FBXL7: variants seen among roughly 807,000 people sequenced by gnomAD.
FBXL7 encodes the protein F-box/LRR-repeat protein 7.
A neutral mutation model predicts 38.3 loss-of-function variants in FBXL7; 12 were observed. The ratio of observed to expected loss-of-function variants is 0.31; its 90% CI spans 0.20 to 0.51. The LOEUF is 0.51. FBXL7 is among the 20% of genes least tolerant of loss of function. FBXL7 has a pLI of 0.98. For synonymous variants in FBXL7, 297 were observed against 300.9 expected (o/e 0.99, Z 0.13); for missense variants, 567 against 676.4 (o/e 0.84, Z 1.79).
At chr5:15,589,617 A>C (rs993441088) in intron 1 of FBXL7, among the ~76,000 whole-genome samples, 11 of 152,230 alleles carry the variant, frequency 7.2e-5, no homozygotes, top group Non-Finnish European at 1.0e-4. Flanking sequence ...GTATTTGTGC[A>C]TAAAAAGTCT....
intron 2 of FBXL7, among the ~76,000 whole-genome samples, chr5:15,634,313 C>CTTTTTTTTTT (rs57823645): frequency 1.6e-4 from 18 of 112,242 alleles, no homozygotes; most frequent in Non-Finnish European, 2.3e-4. Context: ...ATGTTCGTTT[C>CTTTTTTTTTT]TTTTTTTTTT....
intron 2 of FBXL7, among the ~76,000 whole-genome samples, chr5:15,675,184 G>A (rs1314690158): frequency 5.3e-5 from 8 of 152,166 alleles, no homozygotes; most frequent in Admixed American, 5.2e-4. Flanking sequence ...AAAATGTTAT[G>A]TTTTATCGTA....
chr5:15,532,845 A>G (rs891257686), intron 1 of FBXL7, among the ~76,000 whole-genome samples: 3 of 152,262 alleles, frequency 2.0e-5, no homozygotes, highest in African/African-American at 7.2e-5. Flanking sequence ...GATGTATTCA[A>G]GAACCACTGG....
intron 2 of FBXL7, among the ~76,000 whole-genome samples, chr5:15,864,925 A>T (rs182451738): frequency 6.6e-6 from 1 of 152,194 alleles, no homozygotes; most frequent in Non-Finnish European, 1.5e-5. Flanking sequence ...GCTGCAGATA[A>T]AAAGGTCTGG....
intron 2 of FBXL7, among the ~76,000 whole-genome samples, chr5:15,673,092 A>G (rs35429266): frequency 0.46 from 70,449 of 151,768 alleles, 16,864 homozygotes; most frequent in East Asian, 0.59. Context: ...GAGGAAGGCT[A>G]ATCACCTGAG....
intron 2 of FBXL7, among the ~76,000 whole-genome samples, chr5:15,912,872 A>G (rs1366184368): frequency 6.6e-6 from 1 of 152,106 alleles, no homozygotes; most frequent in Non-Finnish European, 1.5e-5. Context: ...ATGAACTTAG[A>G]CTGTAGTAGG....
intron 2 of FBXL7, among the ~76,000 whole-genome samples, chr5:15,890,826 A>C (rs1740871526): frequency 6.6e-6 from 1 of 152,188 alleles, no homozygotes; most frequent in South Asian, 2.1e-4. Flanking sequence ...ATGTAAACTC[A>C]AAACGCCATA....
chr5:15,663,919 T>C (rs1411678599), intron 2 of FBXL7, among the ~76,000 whole-genome samples: 1 of 152,224 alleles, frequency 6.6e-6, no homozygotes, highest in Non-Finnish European at 1.5e-5. Context: ...ATGTCTTTTT[T>C]TTCTAATTGG....
chr5:15,825,158 C>T (rs905836217), intron 2 of FBXL7, among the ~76,000 whole-genome samples: 6 of 152,182 alleles, frequency 3.9e-5, no homozygotes, highest in South Asian at 2.1e-4. Context: ...TAAGCTATGA[C>T]GGATGCCTTA....
chr5:15,507,200 G>C (rs993812815), intron 1 of FBXL7, among the ~76,000 whole-genome samples: 4 of 152,010 alleles, frequency 2.6e-5, no homozygotes, highest in East Asian at 3.9e-4. Flanking sequence ...AGTAGAGGTA[G>C]GTGTTCATCT....
intron 1 of FBXL7, among the ~76,000 whole-genome samples, chr5:15,578,565 CTAAG>C (rs1739039422): frequency 6.6e-6 from 1 of 152,140 alleles, no homozygotes; most frequent in Non-Finnish European, 1.5e-5. Context: ...CGTGAGTGCA[CTAAG>C]TGTCTGCATC....
chr5:15,644,634 C>T (rs1741473991), intron 2 of FBXL7, among the ~76,000 whole-genome samples: 1 of 152,108 alleles, frequency 6.6e-6, no homozygotes, highest in Non-Finnish European at 1.5e-5. Context: ...CTCAAGATGC[C>T]TTCAGTTTGA....
intron 1 of FBXL7, among the ~76,000 whole-genome samples, chr5:15,576,267 A>G (rs1040931739): frequency 6.6e-6 from 1 of 151,568 alleles, no homozygotes; most frequent in African/African-American, 2.4e-5. Context: ...TAGTTTTAGT[A>G]GAGGCGGGGT....
At chr5:15,763,949 G>A (rs555611510) in intron 2 of FBXL7, among the ~76,000 whole-genome samples, 3 of 152,184 alleles carry the variant, frequency 2.0e-5, no homozygotes, top group Non-Finnish European at 2.9e-5. Context: ...AGAACCAGGG[G>A]AGCAGATGGC....
At chr5:15,660,692 A>G (rs903626064) in intron 2 of FBXL7, among the ~76,000 whole-genome samples, 5 of 152,050 alleles carry the variant, frequency 3.3e-5, no homozygotes, top group Non-Finnish European at 7.4e-5. Flanking sequence ...ATAACTTCCA[A>G]TTTATCTCTC....
intron 1 of FBXL7, among the ~76,000 whole-genome samples, chr5:15,524,964 G>A (rs1737207614): frequency 6.6e-6 from 1 of 152,194 alleles, no homozygotes; most frequent in Non-Finnish European, 1.5e-5. Flanking sequence ...GCCCTACTAG[G>A]TTCAAAGTTC....
chr5:15,824,000 G>A (rs759546754), intron 2 of FBXL7, among the ~76,000 whole-genome samples: 6 of 152,058 alleles, frequency 3.9e-5, no homozygotes, highest in East Asian at 1.9e-4. Flanking sequence ...CATTTTAGCC[G>A]GGCACAGTGG....
intron 2 of FBXL7, among the ~76,000 whole-genome samples, chr5:15,835,871 A>T (rs1303515840): frequency 6.6e-6 from 1 of 152,184 alleles, no homozygotes. Flanking sequence ...AAGTAACTAA[A>T]AAAACTATAT....
intron 2 of FBXL7, among the ~76,000 whole-genome samples, chr5:15,885,612 G>A (rs543348214): frequency 1.3e-5 from 2 of 152,286 alleles, no homozygotes; most frequent in Admixed American, 1.3e-4. Flanking sequence ...CCTGTAAAAT[G>A]TTCAAAACAT....
Sources: gnomAD v4.1 joint callset for allele counts (sites outside exome capture counted in the v4.1 genomes callset) on GRCh38, gnomAD v4.1.1 for gene constraint, MANE v1.5 for transcripts, NCBI Gene and HGNC (gene_info 2026-07-23, HGNC 2026-07-21) for gene names.